HECW1: variants seen among roughly 807,000 people sequenced by gnomAD.
HECW1 encodes the protein HECT, C2 and WW domain containing E3 ubiquitin protein ligase 1, also known as E3 ubiquitin-protein ligase HECW1.
In HECW1, 61 loss-of-function variants were observed where a neutral mutation model predicts 182.3. That is an observed-to-expected ratio of 0.33 (90% CI 0.27 to 0.41). The LOEUF (loss-of-function observed/expected upper bound fraction) is 0.41, where lower values mean the gene tolerates loss of function less well. Ranked by LOEUF, HECW1 falls within the 10% of genes least tolerant of loss-of-function variation. HECW1 has a pLI of 1.00. For missense variants in HECW1, 1,739 were observed against 2,108.9 expected (o/e 0.82, Z 3.44); for synonymous variants, 859 against 832.6 (o/e 1.03, Z -0.55).
intron 6 of HECW1, 90 bp downstream of exon 6, chr7:43,361,070 G>GTGTA: frequency 1.4e-6 from 1 of 712,176 alleles, no homozygotes; most frequent in Non-Finnish European, 2.4e-6. Flanking sequence ...GTGTGTGTGT[G>GTGTA]TGTGTGTGTG....
At position 43,507,985 on chromosome 7, in the gene HECW1, G is replaced by A. The variant is rs373793517; in HGVS notation, c.3753-33G>A. On this transcript the variant is annotated intron_variant, in intron 22 of 29. Coordinates refer to ENST00000395891, the MANE Select transcript of HECW1 (RefSeq NM_015052.5). Reference sequence around the variant, plus strand: ...AACCCTGTCCAGCATCCTGACTTCAGGGCCACTGCTCACCACCCCTTCTCC... The same window carrying A: ...AACCCTGTCCAGCATCCTGACTTCAAGGCCACTGCTCACCACCCCTTCTCC... 5.9e-5 allele frequency: 89 copies of A among 1,499,304 alleles called. No homozygotes were observed. In the African/African-American group the frequency reaches 9.3e-4, roughly 16 times the overall value. The allele number at this position is 1,499,304 out of a possible 1,614,324, so 92.9% of individuals were successfully genotyped here.
intron 3 of HECW1, among the ~76,000 whole-genome samples, chr7:43,257,100 A>T (rs568353403): frequency 7.4e-4 from 113 of 152,312 alleles, no homozygotes; most frequent in African/African-American, 2.6e-3. Flanking sequence ...GCCTTAACTG[A>T]TTATTGTACT....
intron 2 of HECW1, among the ~76,000 whole-genome samples, chr7:43,115,877 T>C (rs1311281062): frequency 6.6e-6 from 1 of 152,176 alleles, no homozygotes; most frequent in African/African-American, 2.4e-5. Flanking sequence ...GTTATCTGAG[T>C]TGTAAATGTG....
rs1352631913 is a variant in HECW1 at position 43,554,756 on chromosome 7, A to G, written c.4675A>G (p.Ile1559Val). 5 of 1,613,894 alleles carry G rather than the reference A, an allele frequency of 3.1e-6. No homozygotes were observed. Among genetic ancestry groups the G allele is most frequent in the Admixed American group, 1.7e-5 (1 of 59,980 alleles). ...RGSNGLRRFC[I>V]EKWGKITSLP... ...GAGCAATGGGCTTCGGCGCTTCTGCATAGAGAAATGGGGGAAAATTACTTC... is the reference window on the plus strand; with the variant it reads ...GAGCAATGGGCTTCGGCGCTTCTGCGTAGAGAAATGGGGGAAAATTACTTC... Residue 1559 changes from isoleucine to valine, a missense_variant, in exon 29 of 30, where the codon ATA becomes GTA. Physicochemically the swap from Ile to Val is conservative, Grantham distance 29. Coordinates refer to ENST00000395891, the MANE Select transcript of HECW1 (RefSeq NM_015052.5).
chr7:43,523,202 C>G (rs2080587540), intron 24 of HECW1: 1 of 244,198 alleles, frequency 4.1e-6, no homozygotes, highest in Admixed American at 4.8e-5. Context: ...AGGGGTTTCT[C>G]CATGTTGGCC....
At chr7:43,293,612 C>A (rs991624596) in intron 3 of HECW1, among the ~76,000 whole-genome samples, 1 of 152,220 alleles carries the variant, frequency 6.6e-6, no homozygotes, top group African/African-American at 2.4e-5. Context: ...TCAAATAATG[C>A]GCCATTTCTT....
At position 43,367,674 on chromosome 7, in the gene HECW1, T is replaced by C. The variant is rs1816817055; in HGVS notation, c.555+6694T>C. 2.6e-5 allele frequency among the ~76,000 whole-genome samples: 4 copies of C among 152,338 alleles called. No individual in the cohort carries two copies. In the South Asian group the frequency reaches 8.3e-4, roughly 32 times the overall value. On this transcript the variant is annotated intron_variant, in intron 6 of 29. Coordinates refer to ENST00000395891, the MANE Select transcript of HECW1 (RefSeq NM_015052.5). ...TGCCCAGACATTTACTAGAGAGTTT[T>C]AGAATGACCTTTTTAAGGGGTTATT...
intron 3 of HECW1, among the ~76,000 whole-genome samples, chr7:43,290,497 G>A (rs1032616398): frequency 2.0e-5 from 3 of 152,172 alleles, no homozygotes; most frequent in African/African-American, 7.2e-5. Context: ...CTCAATGCTG[G>A]TTAGCTGTGC....
intron 2 of HECW1, among the ~76,000 whole-genome samples, chr7:43,179,701 A>C (rs981653091): frequency 1.3e-5 from 2 of 152,188 alleles, no homozygotes; most frequent in Admixed American, 1.3e-4. Flanking sequence ...GTCTGTATTA[A>C]ATACTGCAGC....
At chr7:43,412,175 A>G (rs919833985) in intron 8 of HECW1, among the ~76,000 whole-genome samples, 1 of 152,048 alleles carries the variant, frequency 6.6e-6, no homozygotes, top group Non-Finnish European at 1.5e-5. Context: ...CATGATCTAC[A>G]TTGAGTTAAT....
intron 8 of HECW1, among the ~76,000 whole-genome samples, chr7:43,417,687 C>A (rs1410261103): frequency 6.6e-6 from 1 of 152,000 alleles, no homozygotes; most frequent in Non-Finnish European, 1.5e-5. Context: ...CATAGCAAGA[C>A]CCCATCTCAA....
chr7:43,274,242 T>G, intron 3 of HECW1: 1 of 694,896 alleles, frequency 1.4e-6, no homozygotes, highest in Non-Finnish European at 2.4e-6. Flanking sequence ...GCCCCTCTAC[T>G]GCATGCGAAT....
At chr7:43,270,253 G>A (rs912723089) in intron 3 of HECW1, among the ~76,000 whole-genome samples, 6 of 152,166 alleles carry the variant, frequency 3.9e-5, no homozygotes, top group East Asian at 1.9e-4. Context: ...TTTAGACTTC[G>A]GATCTCTTAG....
chr7:43,248,695 TTTCCTCCTCCTCCTCCTC>T (rs1799693065), intron 3 of HECW1: 1 of 46,666 alleles, frequency 2.1e-5, no homozygotes, highest in Non-Finnish European at 5.1e-5. Flanking sequence ...TCCTCCTCCT[TTTCCTCCTCCTCCTCCTC>T]CTCCTCCTCC....
chr7:43,311,414 C>T (rs1404274019), intron 3 of HECW1, among the ~76,000 whole-genome samples: 1 of 152,140 alleles, frequency 6.6e-6, no homozygotes, highest in Non-Finnish European at 1.5e-5. Context: ...TTGGAGAACT[C>T]GAGGGATGGC....
intron 2 of HECW1, among the ~76,000 whole-genome samples, chr7:43,157,226 T>A (rs1469149022): frequency 2.0e-5 from 3 of 152,230 alleles, no homozygotes; most frequent in Non-Finnish European, 2.9e-5. Context: ...GCTTCAGGTA[T>A]AATGGCTTGA....
chr7:43,350,065 C>A lies in HECW1; in HGVS notation c.461-10821C>A, dbSNP rs377691724. The stretch of plus-strand genomic sequence containing the variant: ...TCTTGTAGTGGTGGTTTGGTAATGG[C>A]AAATTCTCTCAGCATTTGTTTGTCT... On this transcript the variant is annotated intron_variant, in intron 5 of 29. Transcript: ENST00000395891. Among the ~76,000 whole-genome samples, 3 of 152,258 alleles carry A rather than the reference C, an allele frequency of 2.0e-5. No individual in the cohort carries two copies. The South Asian group carries it at 6.2e-4, about 32-fold the overall frequency.
At chr7:43,541,377 G>T in intron 25 of HECW1, 116 bp downstream of exon 25, 1 of 744,370 alleles carries the variant, frequency 1.3e-6, no homozygotes, top group Non-Finnish European at 2.4e-6. Context: ...TTCCTGTTAG[G>T]GTTATGGTGG....
chr7:43,527,713 A>G (rs2080814523), intron 24 of HECW1, among the ~76,000 whole-genome samples: 1 of 152,214 alleles, frequency 6.6e-6, no homozygotes, highest in Non-Finnish European at 1.5e-5. Flanking sequence ...GAAACCACCA[A>G]GTTTAATAAT....
Sources: gnomAD v4.1 joint callset for allele counts (sites outside exome capture counted in the v4.1 genomes callset) on GRCh38, gnomAD v4.1.1 for gene constraint, MANE v1.5 for transcripts, NCBI Gene and HGNC (gene_info 2026-07-23, HGNC 2026-07-21) for gene names.